The following HTR5A variants were observed in gnomAD, a reference collection of about 807,000 sequenced individuals.
HTR5A encodes the protein 5-hydroxytryptamine receptor 5A.
Under a neutral mutation model 24.3 loss-of-function variants are expected in HTR5A, and 21 were observed. The observed-to-expected ratio is 0.86, with a 90% CI of 0.61 to 1.24. The LOEUF (loss-of-function observed/expected upper bound fraction) is 1.24, where lower values mean the gene tolerates loss of function less well. Among genes scored for constraint, HTR5A ranks in the 50% most tolerant of loss-of-function variants. The probability of loss-of-function intolerance (pLI) is 0.00; values close to 1 mark genes in which losing one functional copy is unlikely to be tolerated. For synonymous variants in HTR5A, 260 were observed against 213.7 expected (o/e 1.22, Z -1.89); for missense variants, 497 against 489.5 (o/e 1.02, Z -0.15).
At position 155,070,687 on chromosome 7, in the gene HTR5A, T is replaced by C; in HGVS notation, c.-213T>C. 1.7e-6 allele frequency: 1 copy of C among 594,806 alleles called. No individual in the cohort carries two copies. The highest frequency in any genetic ancestry group is 3.0e-6 in the Non-Finnish European group (1 of 335,816). 36.8% of individuals were successfully genotyped at this position (594,806 alleles called of 1,614,324 possible). ...CCCTCGCCTCTGCTTCCTTAGCCTC[T>C]GAGGGCTTCAGACCTGCCGCGCTTG... On this transcript the variant is annotated 5_prime_UTR_variant, in exon 1 of 2. Transcript: ENST00000287907.
At chr7:155,083,169 T>C (rs1795436521) in intron 1 of HTR5A, among the ~76,000 whole-genome samples, 1 of 152,218 alleles carries the variant, frequency 6.6e-6, no homozygotes, top group African/African-American at 2.4e-5. Flanking sequence ...CTGACAATTC[T>C]TTGCCTCAAA....
Position 155,070,849 on chromosome 7 carries a change from C to T in HTR5A, c.-51C>T, listed in dbSNP as rs1795280655. The T allele has an allele frequency of 1.3e-6, 2 of 1,548,422 alleles. No homozygotes were observed. Among genetic ancestry groups the T allele is most frequent in the Non-Finnish European group, 1.7e-6 (2 of 1,149,664 alleles). On this transcript the variant is annotated 5_prime_UTR_variant, in exon 1 of 2. Transcript: ENST00000287907. ...CTGGGCACAGTGGCCGCCTTAAGTC[C>T]TCCTGAACACCCCTTCTGCAAGTAC...
At chr7:155,074,029 G>A (rs977345239) in intron 1 of HTR5A, among the ~76,000 whole-genome samples, 3 of 151,392 alleles carry the variant, frequency 2.0e-5, no homozygotes, top group African/African-American at 7.3e-5. Flanking sequence ...TATAATATGG[G>A]GCTGCCTCTG....
rs1271481004 is a variant in HTR5A at position 155,084,345 on chromosome 7, GC to G, written c.933del (p.Ser312ProfsTer25). ...FFLTELISPL[C>X]SCDIPAIWKS... is the part of the protein sequence containing the mutation. ...CTCACCGAGCTCATCAGTCCCCTCT[GC>G]TCCTGTGACATCCCCGCCATCTGGA... On this transcript the variant is annotated frameshift_variant, in exon 2 of 2. Transcript: ENST00000287907. LOFTEE classifies it high-confidence loss of function. 4 of 1,614,116 alleles carry G rather than the reference GC, an allele frequency of 2.5e-6. No individual in the cohort carries two copies. The highest frequency in any genetic ancestry group is 2.5e-6 in the Non-Finnish European group (3 of 1,180,034).
rs538768507 is a variant in HTR5A, at chr7:155,084,209, G to T, written c.796G>T (p.Val266Phe). The T allele has an allele frequency of 3.7e-6, 6 of 1,613,850 alleles. No individual in the cohort carries two copies. In the African/African-American group the frequency reaches 5.3e-5, roughly 14 times the overall value. The part of the protein sequence containing the change: ...QMVFTVRHAT[V>F]TFQPEGDTWR... ...GGTGTTCACGGTCCGCCACGCCACCGTCACCTTCCAGCCAGAAGGGGACAC... is the reference window on the plus strand; with the variant it reads ...GGTGTTCACGGTCCGCCACGCCACCTTCACCTTCCAGCCAGAAGGGGACAC... The change falls in exon 2 of 2, where the codon GTC becomes TTC. Residue 266 changes from valine to phenylalanine, a missense_variant. Coordinates refer to ENST00000287907, the MANE Select transcript of HTR5A (RefSeq NM_024012.4).
In HTR5A at chr7:155,085,923, C is replaced by A. The variant is rs1795472194; in HGVS notation, c.*1436C>A. Among the ~76,000 whole-genome samples the A allele has an allele frequency of 6.6e-6, 1 of 152,086 alleles. No homozygotes were observed. The highest frequency in any genetic ancestry group is 2.4e-5 in the African/African-American group (1 of 41,418). On this transcript the variant is annotated 3_prime_UTR_variant, in exon 2 of 2. Transcript: ENST00000287907. ...TGAGCAGATAAAGAAATGTTAGACA[C>A]CTGTGAAGTCACAATTAATATGCTA...
At chr7:155,074,974 C>A (rs1425979255) in intron 1 of HTR5A, among the ~76,000 whole-genome samples, 1 of 152,226 alleles carries the variant, frequency 6.6e-6, no homozygotes, top group African/African-American at 2.4e-5. Flanking sequence ...AGACAATTCC[C>A]TAATGGTAGG....
At chr7:155,083,402 C>G (rs1435013036) in intron 1 of HTR5A, among the ~76,000 whole-genome samples, 2 of 152,180 alleles carry the variant, frequency 1.3e-5, no homozygotes, top group African/African-American at 4.8e-5. Flanking sequence ...AGTAGACACT[C>G]ATTATATCAG....
intron 1 of HTR5A, among the ~76,000 whole-genome samples, chr7:155,080,247 A>T (rs1365082632): frequency 6.6e-6 from 1 of 152,260 alleles, no homozygotes; most frequent in Non-Finnish European, 1.5e-5. Flanking sequence ...AGCTTTCTAC[A>T]TAGATCTAAG....
In HTR5A at chr7:155,084,152, CA is replaced by C; in HGVS notation, c.742-2del. 6.3e-7 allele frequency: 1 copy of C among 1,586,600 alleles called. No homozygotes were observed. Among genetic ancestry groups the C allele is most frequent in the South Asian group, 1.1e-5 (1 of 87,782 alleles). On this transcript the variant is annotated splice_acceptor_variant, in intron 1 of 1. Coordinates refer to ENST00000287907, the MANE Select transcript of HTR5A (RefSeq NM_024012.4). LOFTEE classifies it high-confidence loss of function. Reference sequence around the variant, plus strand: ...TCATAAAGCTCCTGCTTGTCTTTTACAGGTGAAGGACTCTGCCAAACAGCCC... The same window carrying C: ...TCATAAAGCTCCTGCTTGTCTTTTACGGTGAAGGACTCTGCCAAACAGCCC...
rs1380895183 is a variant in HTR5A, at chr7:155,070,608, C to G, written c.-292C>G. On this transcript the variant is annotated 5_prime_UTR_variant, in exon 1 of 2. Transcript: ENST00000287907. Reference sequence around the variant, plus strand: ...CGGCCAAACAGCCTTTCCACCAAGGCGAGGAGCCCTGGGCTCCTGACAGCT... The same window carrying G: ...CGGCCAAACAGCCTTTCCACCAAGGGGAGGAGCCCTGGGCTCCTGACAGCT... 22 of 465,858 alleles carry G rather than the reference C, an allele frequency of 4.7e-5. No homozygotes were observed. The East Asian group carries it at 9.0e-4, about 19-fold the overall frequency. 28.9% of individuals were successfully genotyped at this position (465,858 alleles called of 1,614,324 possible). A position where few individuals can be genotyped will look rare whatever the true frequency, so the allele number is the denominator to read the frequency against.
Position 155,084,703 on chromosome 7 carries a change from A to G in HTR5A, c.*216A>G. ...GTGACATGATGTATCTAACTTATCTACTATCCCTTTCTCTGTGCTGACAGT... is the reference window on the plus strand; with the variant it reads ...GTGACATGATGTATCTAACTTATCTGCTATCCCTTTCTCTGTGCTGACAGT... On this transcript the variant is annotated 3_prime_UTR_variant, in exon 2 of 2. Coordinates refer to ENST00000287907, the MANE Select transcript of HTR5A (RefSeq NM_024012.4). 7.4e-6 allele frequency: 4 copies of G among 540,838 alleles called. No homozygotes were observed. The highest frequency in any genetic ancestry group is 5.1e-5 in the South Asian group (2 of 38,850). 33.5% of individuals were successfully genotyped at this position (540,838 alleles called of 1,614,324 possible).
Position 155,084,779 on chromosome 7 carries a change from T to G in HTR5A, c.*292T>G. ...TTTCCTCCCCAAATTCACTCTGGCATGGTGATCGACATTGTCTTAAAGAAG... is the reference window on the plus strand; with the variant it reads ...TTTCCTCCCCAAATTCACTCTGGCAGGGTGATCGACATTGTCTTAAAGAAG... On this transcript the variant is annotated 3_prime_UTR_variant, in exon 2 of 2. Transcript: ENST00000287907. 2.8e-6 allele frequency: 1 copy of G among 351,206 alleles called. No homozygotes were observed. The highest frequency in any genetic ancestry group is 5.1e-6 in the Non-Finnish European group (1 of 196,710). The allele number at this position is 351,206 out of a possible 1,614,324, so 21.8% of individuals were successfully genotyped here.
rs754113673 is a variant in HTR5A, at chr7:155,071,310, G to A, written c.411G>A (p.Leu137=). ...TCTGGAACGTGACGGCCATAGCCCT[G>A]GACCGCTACTGGTCCATCACGCGCC... The part of the protein sequence containing the change: ...ASIWNVTAIA[L]DRYWSITRHM... Residue 137 remains leucine (L), a synonymous_variant, in exon 1 of 2, where the codon CTG becomes CTA. Transcript: ENST00000287907. 2.5e-6 allele frequency: 4 copies of A among 1,611,248 alleles called. No homozygotes were observed. Among genetic ancestry groups the A allele is most frequent in the South Asian group, 2.2e-5 (2 of 91,088 alleles).
rs1191102974 is a variant in HTR5A at position 155,071,211 on chromosome 7, G to C, written c.312G>C (p.Gly104=). 6.2e-7 allele frequency: 1 copy of C among 1,602,958 alleles called. No individual in the cohort carries two copies. The change falls in exon 1 of 2, where the codon GGG becomes GGC. Residue 104 remains glycine, a synonymous_variant. Coordinates refer to ENST00000287907, the MANE Select transcript of HTR5A (RefSeq NM_024012.4). ...MPLSLVHELS[G]RRWQLGRRLC... is the part of the protein sequence containing the mutation. Reference sequence around the variant, plus strand: ...TGAGCCTGGTGCACGAGCTGTCCGGGCGCCGCTGGCAGCTAGGTCGGAGGC... The same window carrying C: ...TGAGCCTGGTGCACGAGCTGTCCGGCCGCCGCTGGCAGCTAGGTCGGAGGC...
At chr7:155,082,089 T>C (rs1298784834) in intron 1 of HTR5A, among the ~76,000 whole-genome samples, 1 of 152,168 alleles carries the variant, frequency 6.6e-6, no homozygotes, top group Non-Finnish European at 1.5e-5. Context: ...ATAATCAGCA[T>C]CCGTGGTGTC....
chr7:155,079,162 A>G (rs6947719), intron 1 of HTR5A, among the ~76,000 whole-genome samples: 4,440 of 152,158 alleles, frequency 0.029, 198 homozygotes, highest in African/African-American at 0.1. Context: ...TCTATTGCAC[A>G]GGCTGGTCTC....
Position 155,084,662 on chromosome 7 carries a change from T to C in HTR5A, c.*175T>C. 3.3e-6 allele frequency: 2 copies of C among 599,804 alleles called. No homozygotes were observed. The highest frequency in any genetic ancestry group is 2.1e-5 in the South Asian group (1 of 48,092). 37.2% of individuals were successfully genotyped at this position (599,804 alleles called of 1,614,324 possible). ...TCCACCTCCTCAGTAGGAATATGACTCCTCATAGAGTTACGGTGACATGAT... is the reference window on the plus strand; with the variant it reads ...TCCACCTCCTCAGTAGGAATATGACCCCTCATAGAGTTACGGTGACATGAT... On this transcript the variant is annotated 3_prime_UTR_variant, in exon 2 of 2. Transcript: ENST00000287907.
At position 155,073,901 on chromosome 7, in the gene HTR5A, A is replaced by ATGTATATATATATATGTGTG. The variant is rs372446793; in HGVS notation, c.741+2262_741+2263insGTATATATATATATGTGTGT. ...TGTATATATATATGTATATATATAT[A>ATGTATATATATATATGTGTG]TATATATATATATATGTATATATAT... On this transcript the variant is annotated intron_variant, in intron 1 of 1. Transcript: ENST00000287907. 1.6e-4 allele frequency among the ~76,000 whole-genome samples: 20 copies of ATGTATATATATATATGTGTG among 128,708 alleles called. 1 individual carries two copies. The highest frequency in any genetic ancestry group is 1.8e-4 in the Non-Finnish European group (11 of 62,538). The allele number at this position is 128,708 out of a possible 152,430, so 84.4% of individuals were successfully genotyped here.
Sources: gnomAD v4.1 joint callset for allele counts (sites outside exome capture counted in the v4.1 genomes callset) on GRCh38, gnomAD v4.1.1 for gene constraint, MANE v1.5 for transcripts, NCBI Gene and HGNC (gene_info 2026-07-23, HGNC 2026-07-21) for gene names.